Variants in ANKRD36C observed in about 807,000 individuals in gnomAD.
The protein encoded by ANKRD36C is ankyrin repeat domain-containing protein 36C.
ANKRD36C carries 61 observed loss-of-function variants against 276.4 expected under a neutral mutation model. The observed-to-expected ratio is 0.22, with a 90% CI of 0.18 to 0.27. The LOEUF is 0.27. Among genes scored for constraint, ANKRD36C ranks in the 10% least tolerant of loss-of-function variants. The pLI is 1.00. For missense variants in ANKRD36C, 1,447 were observed against 2,032.3 expected (o/e 0.71, Z 5.54); for synonymous variants, 483 against 680.1 (o/e 0.71, Z 4.51).
Position 95,960,460 on chromosome 2 carries a change from A to G in ANKRD36C, c.1003+13T>C, listed in dbSNP as rs1292114255. On this transcript the variant is annotated intron_variant, in intron 10 of 66. Coordinates refer to ENST00000456556, the Ensembl canonical transcript of ANKRD36C. ...TCAGTGAACGTGGCATTAAATGTGT[A>G]TTGCAAAATTACCTGTCCCAGATTT... The G allele has an allele frequency of 1.3e-6, 2 of 1,539,888 alleles. No individual in the cohort carries two copies. The highest frequency in any genetic ancestry group is 2.0e-5 in the Admixed American group (1 of 50,888).
chr2:95,944,577 G>C (rs1209150169), intron 19 of ANKRD36C, 50 bp downstream of exon 19: 2 of 1,493,206 alleles, frequency 1.3e-6, no homozygotes, highest in Non-Finnish European at 9.0e-7. Context: ...TGGTGAACAG[G>C]ACTGGACTCT....
At position 95,975,338 on chromosome 2, in the gene ANKRD36C, G is replaced by C. The variant is rs1374975960; in HGVS notation, c.799+2784C>G. On this transcript the variant is annotated intron_variant, in intron 6 of 66. Coordinates refer to ENST00000456556, the Ensembl canonical transcript of ANKRD36C. The stretch of plus-strand genomic sequence containing the variant: ...TCACCAAGTCAATCCTAAGCCAAAA[G>C]AATAAAGCTGGAGGCATCACACTAC... 3.9e-5 allele frequency among the ~76,000 whole-genome samples: 6 copies of C among 152,108 alleles called. No homozygotes were observed. In the East Asian group the frequency reaches 7.7e-4, roughly 20 times the overall value.
chr2:95,856,726 C>T (rs1484903597), intron 62 of ANKRD36C, among the ~76,000 whole-genome samples: 2 of 152,140 alleles, frequency 1.3e-5, no homozygotes, highest in Admixed American at 1.3e-4. Flanking sequence ...TTATACTAAG[C>T]ACTTTTACAC....
chr2:95,888,179 C>T (rs1676248498), intron 48 of ANKRD36C, 59 bp from the exon 69 acceptor site: 5 of 1,602,736 alleles, frequency 3.1e-6, no homozygotes, highest in East Asian at 4.5e-5. Flanking sequence ...GTTATCCATA[C>T]ATTCATGCAC....
exon 63 of ANKRD36C, chr2:95,855,612 C>G (rs1219394655): frequency 6.2e-7 from 1 of 1,610,664 alleles, no homozygotes; most frequent in Non-Finnish European, 8.5e-7. Flanking sequence ...CTTTAGCTCA[C>G]TTTGCACGTG....
Position 95,856,276 on chromosome 2 carries a change from T to C in ANKRD36C, c.4081-96A>G, listed in dbSNP as rs201811856. The C allele has an allele frequency of 4.5e-6, 7 of 1,572,230 alleles. No individual in the cohort carries two copies. The East Asian group carries it at 1.6e-4, about 35-fold the overall frequency. On this transcript the variant is annotated intron_variant, in intron 62 of 66. Coordinates refer to ENST00000456556, the Ensembl canonical transcript of ANKRD36C. ...AATAATAACCCGAACATTTATACAA[T>C]GAGAGGTTGCCATAACTGGATATCT...
In ANKRD36C at chr2:95,903,229, C is replaced by T. The variant is rs551076789; in HGVS notation, c.2654-3893G>A. On this transcript the variant is annotated intron_variant, in intron 42 of 66. Coordinates refer to ENST00000456556, the Ensembl canonical transcript of ANKRD36C. Reference sequence around the variant, plus strand: ...TCTACTTTGTGTCTGGGGACTAGAACATGACGGAAATATGCTGAGAAAAGG... The same window carrying T: ...TCTACTTTGTGTCTGGGGACTAGAATATGACGGAAATATGCTGAGAAAAGG... 13 of 1,372,012 alleles carry T rather than the reference C, an allele frequency of 9.5e-6. 1 individual carries two copies. The East Asian group carries it at 3.3e-4, about 35-fold the overall frequency. 85.0% of individuals were successfully genotyped at this position (1,372,012 alleles called of 1,614,324 possible).
chr2:95,908,803 C>T (rs62153694), intron 42 of ANKRD36C, 106 bp from the exon 47 acceptor site: 429,920 of 1,485,946 alleles, frequency 0.29, 60,570 homozygotes, highest in East Asian at 0.44. Context: ...CCTGTATTAG[C>T]GTAGGCTTTG....
At chr2:95,883,262 C>G (rs558497308) in intron 54 of ANKRD36C, among the ~76,000 whole-genome samples, 1 of 152,024 alleles carries the variant, frequency 6.6e-6, no homozygotes, top group South Asian at 2.1e-4. Context: ...TATGAATAAC[C>G]TTTTACATTT....
intron 38 of ANKRD36C, 52 bp from the exon 41 acceptor site, chr2:95,914,355 A>G (rs1677028286): frequency 6.5e-7 from 1 of 1,533,588 alleles, no homozygotes; most frequent in Non-Finnish European, 8.8e-7. Context: ...TGACAAAATT[A>G]TCCATACATT....
At chr2:95,896,939 T>C (rs1367015658) in intron 44 of ANKRD36C, among the ~76,000 whole-genome samples, 1 of 147,618 alleles carries the variant, frequency 6.8e-6, no homozygotes, top group Non-Finnish European at 1.5e-5. Flanking sequence ...GTAAATTCTA[T>C]ACTTCCTCTC....
chr2:95,924,283 T>C lies in ANKRD36C; in HGVS notation c.2042-594A>G, dbSNP rs549432650. On this transcript the variant is annotated intron_variant, in intron 30 of 66. Transcript: ENST00000456556. ...ATCATACACATGTGGTGGAATAATCTGCCTACATTTCTTGTATCCTCTAGT... is the reference window on the plus strand; with the variant it reads ...ATCATACACATGTGGTGGAATAATCCGCCTACATTTCTTGTATCCTCTAGT... 4.0e-5 allele frequency among the ~76,000 whole-genome samples: 6 copies of C among 151,778 alleles called. No individual in the cohort carries two copies. The South Asian group carries it at 1.2e-3, about 31-fold the overall frequency.
rs769484532 is a variant in ANKRD36C at position 95,856,200 on chromosome 2, C to T, written c.4081-20G>A. On this transcript the variant is annotated intron_variant, in intron 62 of 66. Transcript: ENST00000456556. ...AGAAACCTAAGTAAAACAAAGCAAA[C>T]TTGTAACTAGTATCCAATAGGATAA... is the stretch of plus-strand genomic sequence containing the variant. 1.1e-5 allele frequency: 17 copies of T among 1,570,046 alleles called. No homozygotes were observed. The highest frequency in any genetic ancestry group is 1.5e-5 in the Non-Finnish European group (17 of 1,162,166).
intron 24 of ANKRD36C, among the ~76,000 whole-genome samples, chr2:95,930,779 A>G (rs1450637908): frequency 6.6e-6 from 1 of 151,172 alleles, no homozygotes; most frequent in Non-Finnish European, 1.5e-5. Context: ...GGGGTCTCTC[A>G]GGTTGTTTTA....
At chr2:95,880,404 T>G in intron 58 of ANKRD36C, 23 bp downstream of exon 78, 2 of 1,537,138 alleles carry the variant, frequency 1.3e-6, no homozygotes, top group Non-Finnish European at 8.8e-7. Flanking sequence ...TTTCCAGAGT[T>G]AAATCTACAA....
At chr2:95,920,787 G>A (rs982424152) in intron 34 of ANKRD36C, among the ~76,000 whole-genome samples, 6 of 149,314 alleles carry the variant, frequency 4.0e-5, no homozygotes, top group African/African-American at 7.5e-5. Context: ...CTTCTTGGGA[G>A]TATCATGTTA....
At chr2:95,880,167 C>T (rs1676044386) in intron 58 of ANKRD36C, among the ~76,000 whole-genome samples, 1 of 150,254 alleles carries the variant, frequency 6.7e-6, no homozygotes, top group South Asian at 2.1e-4. Flanking sequence ...GCAACAAGAG[C>T]AAAGCTCTGT....
At chr2:95,856,236 T>C in intron 62 of ANKRD36C, 56 bp from the exon 83 acceptor site, 1 of 1,581,562 alleles carries the variant, frequency 6.3e-7, no homozygotes, top group Non-Finnish European at 8.5e-7. Context: ...CATATTGTGA[T>C]TGCTTCTGAA....
intron 44 of ANKRD36C, among the ~76,000 whole-genome samples, chr2:95,892,912 A>G (rs1403518011): frequency 6.6e-6 from 1 of 151,148 alleles, no homozygotes. Context: ...TTTTATGCCA[A>G]TTCTAGGATT....
Sources: gnomAD v4.1 joint callset for allele counts (sites outside exome capture counted in the v4.1 genomes callset) on GRCh38, gnomAD v4.1.1 for gene constraint, MANE v1.5 for transcripts, NCBI Gene and HGNC (gene_info 2026-07-23, HGNC 2026-07-21) for gene names.